The following GUCY1A2 variants were observed in gnomAD, a reference collection of about 807,000 sequenced individuals.
The protein encoded by GUCY1A2 is guanylate cyclase soluble subunit alpha-2.
A neutral mutation model predicts 63.5 loss-of-function variants in GUCY1A2; 27 were observed. The ratio of observed to expected loss-of-function variants is 0.43; its 90% confidence interval spans 0.31 to 0.59. The LOEUF (loss-of-function observed/expected upper bound fraction) is 0.59. Ranked by LOEUF, GUCY1A2 falls within the 20% of genes least tolerant of loss-of-function variation. GUCY1A2 has a pLI of 0.11. For missense variants in GUCY1A2, 768 were observed against 913.3 expected (o/e 0.84, Z 2.05); for synonymous variants, 364 against 343.5 (o/e 1.06, Z -0.66).
At chr11:106,964,912 A>G (rs1029179292) in intron 3 of GUCY1A2, among the ~76,000 whole-genome samples, 2 of 152,144 alleles carry the variant, frequency 1.3e-5, no homozygotes, top group Admixed American at 6.5e-5. Flanking sequence ...CCCGGGAGGC[A>G]GAGCTTGCAG....
intron 1 of GUCY1A2, among the ~76,000 whole-genome samples, chr11:107,014,439 C>T (rs1034666992): frequency 6.6e-6 from 1 of 151,986 alleles, no homozygotes; most frequent in African/African-American, 2.4e-5. Context: ...CCTGGGAAAT[C>T]CCAGATATTT....
chr11:106,693,711 A>C (rs1009246718), intron 7 of GUCY1A2, among the ~76,000 whole-genome samples: 13 of 152,248 alleles, frequency 8.5e-5, no homozygotes, highest in African/African-American at 3.1e-4. Flanking sequence ...GGAAGATTGC[A>C]TCCAACATTA....
intron 5 of GUCY1A2, among the ~76,000 whole-genome samples, chr11:106,807,076 C>T (rs1359603251): frequency 6.6e-6 from 1 of 152,048 alleles, no homozygotes; most frequent in African/African-American, 2.4e-5. Flanking sequence ...ACCTGGCTTC[C>T]TTTCACATTT....
intron 4 of GUCY1A2, among the ~76,000 whole-genome samples, chr11:106,912,203 C>CT (rs905875808): frequency 2.5e-4 from 38 of 151,132 alleles, no homozygotes; most frequent in Non-Finnish European, 4.4e-4. Context: ...CAACTCCCAT[C>CT]TTTTTTTTTA....
intron 4 of GUCY1A2, among the ~76,000 whole-genome samples, chr11:106,833,149 T>G (rs1859072984): frequency 6.6e-6 from 1 of 152,066 alleles, no homozygotes. Context: ...AATATTTCCC[T>G]TTTTGTAAGG....
At chr11:106,740,171 G>GT (rs1565274598) in intron 6 of GUCY1A2, among the ~76,000 whole-genome samples, 2 of 151,842 alleles carry the variant, frequency 1.3e-5, no homozygotes, top group East Asian at 3.9e-4. Flanking sequence ...GCTAATTTTT[G>GT]TATTTTTTAG....
chr11:106,883,789 G>T (rs1334784557), intron 4 of GUCY1A2, among the ~76,000 whole-genome samples: 1 of 152,012 alleles, frequency 6.6e-6, no homozygotes, highest in Non-Finnish European at 1.5e-5. Context: ...TACGTCACCA[G>T]CCCAAAACAT....
At chr11:106,827,042 C>G in intron 4 of GUCY1A2, 1 of 1,587,464 alleles carries the variant, frequency 6.3e-7, no homozygotes, top group Non-Finnish European at 8.6e-7. Flanking sequence ...GACGTATGGT[C>G]TCTTGGAAAA....
Position 106,710,904 on chromosome 11 carries a change from G to GA in GUCY1A2, c.1837-2239dup, listed in dbSNP as rs767829754. ...CTCTCTTTGCCACTCTGGTTGTAAGGAAAAAAGTCAGTCTGAGAACAACCC... is the reference window on the plus strand; with the variant it reads ...CTCTCTTTGCCACTCTGGTTGTAAGGAAAAAAAGTCAGTCTGAGAACAACCC... On this transcript the variant is annotated intron_variant, in intron 6 of 7. Transcript: ENST00000526355. Among the ~76,000 whole-genome samples, 7 of 151,926 alleles carry GA rather than the reference G, an allele frequency of 4.6e-5. No homozygotes were observed. The East Asian group carries it at 1.4e-3, about 29-fold the overall frequency.
intron 3 of GUCY1A2, among the ~76,000 whole-genome samples, chr11:106,941,500 G>A (rs1860752053): frequency 1.3e-5 from 2 of 152,282 alleles, no homozygotes; most frequent in African/African-American, 4.8e-5. Flanking sequence ...AATACATGTA[G>A]TTTACATATT....
intron 4 of GUCY1A2, among the ~76,000 whole-genome samples, chr11:106,812,978 GA>G (rs1183353336): frequency 2.0e-5 from 3 of 151,850 alleles, no homozygotes; most frequent in Non-Finnish European, 2.9e-5. Flanking sequence ...ACTTTAATTG[GA>G]AAATAATATA....
At chr11:106,805,268 C>T (rs963782651) in intron 5 of GUCY1A2, among the ~76,000 whole-genome samples, 8 of 146,316 alleles carry the variant, frequency 5.5e-5, no homozygotes, top group African/African-American at 1.5e-4. Context: ...TTTTTTGAGA[C>T]GTAGTCTCAC....
intron 4 of GUCY1A2, among the ~76,000 whole-genome samples, chr11:106,887,465 A>G (rs1565320958): frequency 6.6e-6 from 1 of 152,166 alleles, no homozygotes; most frequent in Non-Finnish European, 1.5e-5. Context: ...AAGATATATT[A>G]AATCTCAAAA....
intron 7 of GUCY1A2, among the ~76,000 whole-genome samples, chr11:106,690,555 G>A (rs1405354255): frequency 6.6e-6 from 1 of 152,096 alleles, no homozygotes; most frequent in East Asian, 1.9e-4. Flanking sequence ...GGAGGGAGAG[G>A]TTCAGGAAAA....
chr11:106,933,488 T>C (rs1178082045), intron 4 of GUCY1A2, among the ~76,000 whole-genome samples: 1 of 152,128 alleles, frequency 6.6e-6, no homozygotes, highest in East Asian at 1.9e-4. Context: ...CACTTATACG[T>C]TGTTGGTGGG....
In GUCY1A2 at chr11:106,681,460, G is replaced by C; in HGVS notation, c.*6089C>G. ...ATATACTACAAAGATCCAAAAATTG[G>C]GCAACATTATAAATAATACACAAAT... On this transcript the variant is annotated 3_prime_UTR_variant, in exon 8 of 8. Coordinates refer to ENST00000526355, the MANE Select transcript of GUCY1A2 (RefSeq NM_000855.3). The C allele has an allele frequency of 4.5e-6, 1 of 221,578 alleles. No homozygotes were observed. Among genetic ancestry groups the C allele is most frequent in the Non-Finnish European group, 9.0e-6 (1 of 110,734 alleles). The allele number at this position is 221,578 out of a possible 1,614,324, so 13.7% of individuals were successfully genotyped here.
intron 6 of GUCY1A2, among the ~76,000 whole-genome samples, chr11:106,769,115 T>A (rs969455622): frequency 1.3e-5 from 2 of 151,016 alleles, no homozygotes; most frequent in African/African-American, 4.8e-5. Context: ...TAATATTTTA[T>A]ATACAATCTC....
At chr11:106,960,024 C>T (rs879448618) in intron 3 of GUCY1A2, among the ~76,000 whole-genome samples, 5 of 140,278 alleles carry the variant, frequency 3.6e-5, no homozygotes, top group Non-Finnish European at 7.9e-5. Flanking sequence ...ACAGCAACAT[C>T]GCAAACATTT....
chr11:107,017,221 G>C (rs912121626), intron 1 of GUCY1A2, among the ~76,000 whole-genome samples: 1 of 152,136 alleles, frequency 6.6e-6, no homozygotes, highest in African/African-American at 2.4e-5. Flanking sequence ...GTGAGAAAAA[G>C]GATGCAACAT....
Sources: gnomAD v4.1 joint callset for allele counts (sites outside exome capture counted in the v4.1 genomes callset) on GRCh38, gnomAD v4.1.1 for gene constraint, MANE v1.5 for transcripts, NCBI Gene and HGNC (gene_info 2026-07-23, HGNC 2026-07-21) for gene names.